CNTN5: variants seen among roughly 807,000 people sequenced by gnomAD.
CNTN5 encodes the protein contactin 5, also known as contactin-5.
In CNTN5, 77 loss-of-function variants were observed where a neutral mutation model predicts 129.1. The ratio of observed to expected loss-of-function variants is 0.60; its 90% CI spans 0.50 to 0.72. CNTN5 has a LOEUF of 0.72. CNTN5 is among the 30% of genes least tolerant of loss of function. CNTN5 has a pLI of 0.00. For synonymous variants in CNTN5, 509 were observed against 465.6 expected (o/e 1.09, Z -1.20); for missense variants, 1,478 against 1,328.8 (o/e 1.11, Z -1.75).
intron 4 of CNTN5, among the ~76,000 whole-genome samples, chr11:99,841,331 G>A (rs368305504): frequency 1.2e-4 from 18 of 152,020 alleles, no homozygotes; most frequent in East Asian, 5.8e-4. Context: ...TTCCCCAGCC[G>A]GACCATATTT....
intron 2 of CNTN5, among the ~76,000 whole-genome samples, chr11:99,492,063 C>A (rs1358229146): frequency 1.3e-5 from 2 of 152,146 alleles, no homozygotes; most frequent in African/African-American, 4.8e-5. Flanking sequence ...GAACACCAAG[C>A]AGTGCAGTAG....
At chr11:99,677,124 C>G (rs921366870) in intron 3 of CNTN5, among the ~76,000 whole-genome samples, 1 of 152,092 alleles carries the variant, frequency 6.6e-6, no homozygotes, top group South Asian at 2.1e-4. Flanking sequence ...TCTGATGTTA[C>G]ACAACAATAA....
chr11:99,644,278 C>T (rs1951871433), intron 3 of CNTN5, among the ~76,000 whole-genome samples: 1 of 152,142 alleles, frequency 6.6e-6, no homozygotes, highest in Non-Finnish European at 1.5e-5. Context: ...CAGTTGAGCA[C>T]TTTGAACACA....
At chr11:99,182,798 T>A (rs79792158) in intron 1 of CNTN5, among the ~76,000 whole-genome samples, 3,823 of 152,330 alleles carry the variant, frequency 0.025, 162 homozygotes, top group African/African-American at 0.086. Flanking sequence ...TATTACAGCA[T>A]ACAGTGGTAA....
At chr11:99,619,682 G>A (rs2135756488) in intron 3 of CNTN5, among the ~76,000 whole-genome samples, 2 of 152,210 alleles carry the variant, frequency 1.3e-5, no homozygotes, top group South Asian at 2.1e-4. Context: ...TTTAGAGTGA[G>A]TCTTAAAGAT....
In CNTN5 at chr11:99,459,812, G is replaced by A. The variant is rs187764842; in HGVS notation, c.-70-96333G>A. ...GAGAAATATTAATACTAGTTGTCAT[G>A]AGAACTGGTAACAAAAGGGCTTAAA... On this transcript the variant is annotated intron_variant, in intron 2 of 24. Coordinates refer to ENST00000524871, the MANE Select transcript of CNTN5 (RefSeq NM_014361.4). Among the ~76,000 whole-genome samples the A allele has an allele frequency of 5.8e-3, 887 of 152,082 alleles. 45 individuals are homozygous for A. Among genetic ancestry groups the A allele is most frequent in the Admixed American group, 0.057 (864 of 15,238 alleles).
At chr11:100,283,286 G>A (rs1033508905) in intron 18 of CNTN5, among the ~76,000 whole-genome samples, 1 of 152,162 alleles carries the variant, frequency 6.6e-6, no homozygotes. Flanking sequence ...TCCTGTGGCT[G>A]AGCTGGTATC....
intron 3 of CNTN5, among the ~76,000 whole-genome samples, chr11:99,809,962 A>G (rs1946382179): frequency 6.6e-6 from 1 of 152,126 alleles, no homozygotes; most frequent in South Asian, 2.1e-4. Context: ...TTTCTCAACT[A>G]GCTCCTGCCT....
chr11:99,027,481 G>A (rs1045905883), intron 1 of CNTN5, among the ~76,000 whole-genome samples: 1 of 151,536 alleles, frequency 6.6e-6, no homozygotes, highest in African/African-American at 2.4e-5. Flanking sequence ...AAATTCAAAT[G>A]TCAACTTGTA....
At chr11:99,664,331 T>A (rs185330794) in intron 3 of CNTN5, among the ~76,000 whole-genome samples, 19 of 152,208 alleles carry the variant, frequency 1.2e-4, no homozygotes, top group Admixed American at 1.0e-3. Flanking sequence ...TAAAACTGCA[T>A]CCCCACTGTG....
intron 9 of CNTN5, among the ~76,000 whole-genome samples, chr11:100,015,836 T>A (rs748296691): frequency 1.3e-5 from 2 of 152,150 alleles, no homozygotes; most frequent in Non-Finnish European, 2.9e-5. Flanking sequence ...CTTTAGATTA[T>A]TCAATAGGAA....
intron 3 of CNTN5, among the ~76,000 whole-genome samples, chr11:99,562,434 A>C (rs1948871938): frequency 6.6e-6 from 1 of 152,154 alleles, no homozygotes; most frequent in Non-Finnish European, 1.5e-5. Flanking sequence ...TTAGTTAAGA[A>C]CTATTAAGTC....
chr11:100,110,279 A>G (rs1429994202), intron 13 of CNTN5, among the ~76,000 whole-genome samples: 2 of 147,308 alleles, frequency 1.4e-5, no homozygotes, highest in Non-Finnish European at 3.0e-5. Context: ...AATAATGCCA[A>G]ATTTTTAGCA....
chr11:99,615,783 G>A (rs1950742823), intron 3 of CNTN5, among the ~76,000 whole-genome samples: 1 of 150,416 alleles, frequency 6.6e-6, no homozygotes, highest in South Asian at 2.1e-4. Flanking sequence ...TTTTTTTGGA[G>A]CAGAGTCTCA....
intron 2 of CNTN5, among the ~76,000 whole-genome samples, chr11:99,329,428 A>AG (rs1258593255): frequency 6.6e-6 from 1 of 152,148 alleles, no homozygotes; most frequent in African/African-American, 2.4e-5. Flanking sequence ...TATTTTCTGG[A>AG]GTAAGTTTTG....
intron 3 of CNTN5, among the ~76,000 whole-genome samples, chr11:99,689,483 C>T (rs1011871739): frequency 1.4e-5 from 2 of 143,690 alleles, no homozygotes; most frequent in Admixed American, 7.2e-5. Context: ...GCCGAGGTCG[C>T]GCCACTGCAC....
rs896576572 is a variant in CNTN5 at position 99,872,261 on chromosome 11, T to C, written c.577+26999T>C. 6.6e-5 allele frequency among the ~76,000 whole-genome samples: 10 copies of C among 152,244 alleles called. No homozygotes were observed. In the East Asian group the frequency reaches 1.2e-3, roughly 18 times the overall value. The stretch of plus-strand genomic sequence containing the variant: ...TGAAAAAAAATTTGAAATTGGCTTT[T>C]GTTTCTTTGCTTTACTGGAAATATA... On this transcript the variant is annotated intron_variant, in intron 6 of 24. Coordinates refer to ENST00000524871, the MANE Select transcript of CNTN5 (RefSeq NM_014361.4).
intron 13 of CNTN5, among the ~76,000 whole-genome samples, chr11:100,078,068 T>C (rs1329513882): frequency 5.9e-5 from 9 of 152,098 alleles, no homozygotes; most frequent in Admixed American, 5.9e-4. Flanking sequence ...TGATTGAAAA[T>C]GATAGAACAA....
At chr11:99,043,670 A>C in intron 1 of CNTN5, among the ~76,000 whole-genome samples, 1 of 152,352 alleles carries the variant, frequency 6.6e-6, no homozygotes, top group East Asian at 1.9e-4. Context: ...GTGAATCATC[A>C]TAATTTGCTA....
Sources: gnomAD v4.1 joint callset for allele counts (sites outside exome capture counted in the v4.1 genomes callset) on GRCh38, gnomAD v4.1.1 for gene constraint, MANE v1.5 for transcripts, NCBI Gene and HGNC (gene_info 2026-07-23, HGNC 2026-07-21) for gene names.